The following FRMD4A variants were observed in gnomAD, a reference collection of about 807,000 sequenced individuals.
FRMD4A encodes FERM domain-containing protein 4A.
In FRMD4A, 29 loss-of-function variants were observed where a neutral mutation model predicts 129.1. The ratio of observed to expected loss-of-function variants is 0.22; its 90% confidence interval spans 0.17 to 0.31. The LOEUF is 0.31. Ranked by LOEUF, FRMD4A falls within the 10% of genes least tolerant of loss-of-function variation. FRMD4A has a pLI of 1.00. For missense variants in FRMD4A, 1,272 were observed against 1,375.8 expected (o/e 0.92, Z 1.19); for synonymous variants, 634 against 571.6 (o/e 1.11, Z -1.56).
rs762048424 is a variant in FRMD4A at position 13,643,905 on chromosome 10, ACAGT to A, written c.*3129_*3132del. ...CCAGTAAAATCATTTTACATGCTCT[ACAGT>A]CAGTTTCAGGAGCAACCTAATCTTT... On this transcript the variant is annotated 3_prime_UTR_variant, in exon 25 of 25. Coordinates refer to ENST00000357447, the MANE Select transcript of FRMD4A (RefSeq NM_018027.5). 1.9e-4 allele frequency: 29 copies of A among 152,632 alleles called. No homozygotes were observed. Among genetic ancestry groups the A allele is most frequent in the Admixed American group, 5.9e-4 (9 of 15,286 alleles). 9.5% of individuals were successfully genotyped at this position (152,632 alleles called of 1,614,324 possible). A position where few individuals can be genotyped will look rare whatever the true frequency, so the allele number is the denominator to read the frequency against.
At chr10:13,663,923 C>T (rs1320133092) in intron 18 of FRMD4A, among the ~76,000 whole-genome samples, 1 of 152,226 alleles carries the variant, frequency 6.6e-6, no homozygotes, top group Non-Finnish European at 1.5e-5. Context: ...AGGGTAGGCA[C>T]TTTGCTTTGC....
chr10:14,034,149 G>A (rs1833389033), intron 2 of FRMD4A, among the ~76,000 whole-genome samples: 2 of 152,194 alleles, frequency 1.3e-5, no homozygotes, highest in African/African-American at 4.8e-5. Flanking sequence ...CCCCCACTAA[G>A]GACATGCTTG....
intron 2 of FRMD4A, among the ~76,000 whole-genome samples, chr10:14,137,846 C>T (rs2131837379): frequency 6.6e-6 from 1 of 152,234 alleles, no homozygotes; most frequent in South Asian, 2.1e-4. Flanking sequence ...TCCTCTTTCC[C>T]CTTCTCTCTT....
chr10:13,941,900 G>A (rs1443986938), intron 2 of FRMD4A, among the ~76,000 whole-genome samples: 1 of 152,136 alleles, frequency 6.6e-6, no homozygotes, highest in African/African-American at 2.4e-5. Context: ...TACTATATTG[G>A]TAAGATCTGT....
intron 2 of FRMD4A, among the ~76,000 whole-genome samples, chr10:13,984,878 A>G (rs1300942006): frequency 6.6e-6 from 1 of 152,174 alleles, no homozygotes; most frequent in East Asian, 1.9e-4. Flanking sequence ...TTGGGGATTT[A>G]CCCAGGAGTG....
intron 2 of FRMD4A, among the ~76,000 whole-genome samples, chr10:14,185,507 T>C (rs567036899): frequency 4.6e-5 from 7 of 152,274 alleles, no homozygotes; most frequent in African/African-American, 7.2e-5. Context: ...CTTCAAGTAT[T>C]TTTTGGAGGT....
intron 2 of FRMD4A, among the ~76,000 whole-genome samples, chr10:13,924,325 G>A (rs1276544505): frequency 6.6e-6 from 1 of 152,030 alleles, no homozygotes; most frequent in African/African-American, 2.4e-5. Context: ...AAAAGCCAAA[G>A]TGCATGGGCC....
At position 13,859,244 on chromosome 10, in the gene FRMD4A, C is replaced by T. The variant is rs1446500352; in HGVS notation, c.46-332G>A. Among the ~76,000 whole-genome samples, 76 of 151,962 alleles carry T rather than the reference C, an allele frequency of 5.0e-4. 1 individual carries two copies. The highest frequency in any genetic ancestry group is 5.0e-3 in the Admixed American group (76 of 15,256). On this transcript the variant is annotated intron_variant, in intron 2 of 24. Transcript: ENST00000357447. ...TACTAAAAATACAAAATTAGCCGGG[C>T]GTGGTGGTGCATACCTGTAATCCCA... is the stretch of plus-strand genomic sequence containing the variant.
intron 2 of FRMD4A, among the ~76,000 whole-genome samples, chr10:14,032,967 C>T (rs1313057560): frequency 6.6e-6 from 1 of 152,166 alleles, no homozygotes; most frequent in African/African-American, 2.4e-5. Context: ...CCAGGTAGGT[C>T]TGGAACGAAA....
intron 2 of FRMD4A, among the ~76,000 whole-genome samples, chr10:13,887,749 C>T (rs1278893299): frequency 1.3e-5 from 2 of 152,216 alleles, no homozygotes; most frequent in Non-Finnish European, 2.9e-5. Flanking sequence ...GTGCAATGTA[C>T]TAAACAGTAG....
chr10:13,930,775 C>T (rs2095185385), intron 2 of FRMD4A, among the ~76,000 whole-genome samples: 1 of 152,156 alleles, frequency 6.6e-6, no homozygotes, highest in Admixed American at 6.5e-5. Flanking sequence ...AATCCCAGAG[C>T]AGTGGTTCTT....
At chr10:14,068,241 A>G (rs1161648828) in intron 2 of FRMD4A, among the ~76,000 whole-genome samples, 1 of 152,170 alleles carries the variant, frequency 6.6e-6, no homozygotes, top group East Asian at 1.9e-4. Flanking sequence ...CTCAGCTGGT[A>G]TCAGTAGGTA....
In FRMD4A at chr10:13,924,438, G is replaced by C. The variant is rs535621986; in HGVS notation, c.46-65526C>G. Among the ~76,000 whole-genome samples the C allele has an allele frequency of 2.7e-5, 4 of 148,600 alleles. No individual in the cohort carries two copies. The South Asian group carries it at 8.5e-4, about 32-fold the overall frequency. The stretch of plus-strand genomic sequence containing the variant: ...TTTTTTTTTCCCAGTCATCAGAAAA[G>C]CCATGCTCCCACCTCTAGGCCACCA... On this transcript the variant is annotated intron_variant, in intron 2 of 24. Coordinates refer to ENST00000357447, the MANE Select transcript of FRMD4A (RefSeq NM_018027.5).
chr10:14,256,789 C>A (rs1844628781), intron 2 of FRMD4A, among the ~76,000 whole-genome samples: 1 of 152,042 alleles, frequency 6.6e-6, no homozygotes, highest in Admixed American at 6.5e-5. Context: ...TTGAGACCAG[C>A]CTGGGCCACA....
intron 15 of FRMD4A, among the ~76,000 whole-genome samples, chr10:13,688,372 C>A (rs934720683): frequency 2.0e-5 from 3 of 151,560 alleles, no homozygotes; most frequent in Non-Finnish European, 2.9e-5. Flanking sequence ...GGAAGGGGAA[C>A]ATCACACACT....
At chr10:14,245,546 C>G (rs909294754) in intron 2 of FRMD4A, among the ~76,000 whole-genome samples, 1 of 152,132 alleles carries the variant, frequency 6.6e-6, no homozygotes, top group Non-Finnish European at 1.5e-5. Context: ...TGTTGAAGTT[C>G]TAATCCCCGC....
At chr10:14,305,527 A>G (rs1846319753) in intron 2 of FRMD4A, among the ~76,000 whole-genome samples, 1 of 152,146 alleles carries the variant, frequency 6.6e-6, no homozygotes, top group Admixed American at 6.5e-5. Context: ...ATAGAATAAT[A>G]TACTCGCTAA....
intron 2 of FRMD4A, among the ~76,000 whole-genome samples, chr10:14,208,618 C>T (rs1399568885): frequency 6.6e-6 from 1 of 152,016 alleles, no homozygotes; most frequent in African/African-American, 2.4e-5. Context: ...TGTCTGTGCT[C>T]CTGGTAGGCC....
chr10:14,118,451 C>G (rs1838316084), intron 2 of FRMD4A, among the ~76,000 whole-genome samples: 1 of 152,190 alleles, frequency 6.6e-6, no homozygotes, highest in Non-Finnish European at 1.5e-5. Flanking sequence ...TGCCCAGAGT[C>G]TTGACTTACA....
Sources: gnomAD v4.1 joint callset for allele counts (sites outside exome capture counted in the v4.1 genomes callset) on GRCh38, gnomAD v4.1.1 for gene constraint, MANE v1.5 for transcripts, NCBI Gene and HGNC (gene_info 2026-07-23, HGNC 2026-07-21) for gene names.